ARHGAP11A: variants seen among roughly 807,000 people sequenced by gnomAD.
ARHGAP11A encodes the protein Rho GTPase activating protein 11A.
In ARHGAP11A, 36 loss-of-function variants were observed where a neutral mutation model predicts 60.5. The ratio of observed to expected loss-of-function variants is 0.59; its 90% CI spans 0.46 to 0.79. The LOEUF (loss-of-function observed/expected upper bound fraction) is 0.79. Among genes scored for constraint, ARHGAP11A ranks in the 30% least tolerant of loss-of-function variants. The pLI, the probability that ARHGAP11A is intolerant of heterozygous loss-of-function variation, is 0.00. For missense variants in ARHGAP11A, 1,071 were observed against 1,199.2 expected (o/e 0.89, Z 1.58); for synonymous variants, 362 against 415.5 (o/e 0.87, Z 1.57).
chr15:32,626,511 T>G (rs2140457723), intron 6 of ARHGAP11A, among the ~76,000 whole-genome samples: 2 of 152,264 alleles, frequency 1.3e-5, no homozygotes, highest in East Asian at 3.9e-4. Context: ...AATCCCTTTT[T>G]CATCTTTTGG....
intron 9 of ARHGAP11A, among the ~76,000 whole-genome samples, chr15:32,633,381 C>T (rs927543905): frequency 5.9e-5 from 9 of 152,086 alleles, no homozygotes; most frequent in Admixed American, 3.3e-4. Context: ...TGGCTTATGC[C>T]TGTAATCCTA....
Position 32,623,565 on chromosome 15 carries a change from G to C in ARHGAP11A, c.274G>C (p.Val92Leu), listed in dbSNP as rs1464369586. The C allele has an allele frequency of 1.2e-6, 2 of 1,613,974 alleles. No individual in the cohort carries two copies. The highest frequency in any genetic ancestry group is 2.7e-5 in the African/African-American group (2 of 74,932). ...AGGGCTTTTTCGGAAATCAGGATCT[G>C]TGATTCGCCTAAAAGCACTAAAGGT... ...TEGLFRKSGS[V>L]IRLKALKNKV... The change falls in exon 3 of 12, where the codon GTG (valine) becomes CTG (leucine). Residue 92 changes from valine to leucine, a missense_variant. This residue lies in a region of ARHGAP11A where 71 missense variants were observed against 142.4 expected (regional missense o/e 0.50). Transcript: ENST00000361627.
Position 32,637,303 on chromosome 15 carries a change from A to G in ARHGAP11A, c.2530A>G (p.Arg844Gly). 2 of 1,614,228 alleles carry G rather than the reference A, an allele frequency of 1.2e-6. No individual in the cohort carries two copies. The highest frequency in any genetic ancestry group is 1.7e-6 in the Non-Finnish European group (2 of 1,180,040). ...QRTPVRQSVRRINSLLEYSRQ... is the reference protein window; with the variant it reads ...QRTPVRQSVRGINSLLEYSRQ... ...TACTCCTGTTCGTCAGTCCGTCAGA[A>G]GAATTAATTCTTTGTTGGAGTATAG... The change falls in exon 12 of 12, where the codon AGA becomes GGA. Residue 844 changes from arginine (R) to glycine (G), a missense_variant. Around this residue, in one of 4 missense-constraint regions of ARHGAP11A, gnomAD observed 776 missense variants for 760.2 expected, o/e 1.02. Transcript: ENST00000361627.
Position 32,624,578 on chromosome 15 carries a change from A to G in ARHGAP11A, c.551+152A>G, listed in dbSNP as rs1012205719. ...ATGAGGAGTATACTCCAATTTAAGAAACAGCATACCAAATGATTTAATATT... is the reference window on the plus strand; with the variant it reads ...ATGAGGAGTATACTCCAATTTAAGAGACAGCATACCAAATGATTTAATATT... On this transcript the variant is annotated intron_variant, in intron 4 of 11. Transcript: ENST00000361627. 3 of 1,383,424 alleles carry G rather than the reference A, an allele frequency of 2.2e-6. No homozygotes were observed. The Admixed American group carries it at 8.2e-5, about 38-fold the overall frequency. The allele number at this position is 1,383,424 out of a possible 1,614,324, so 85.7% of individuals were successfully genotyped here. A position where few individuals can be genotyped will look rare whatever the true frequency, so the allele number is the denominator to read the frequency against.
rs2053776844 is a variant in ARHGAP11A, at chr15:32,638,525, A to G, written c.*680A>G. On this transcript the variant is annotated 3_prime_UTR_variant, in exon 12 of 12. Transcript: ENST00000361627. ...TAAAATAAATAAATTTCTAGCATAT[A>G]AAGGGTAGAGATAAACTCTGCAAAT... The G allele has an allele frequency of 6.6e-6, 1 of 152,228 alleles. No homozygotes were observed. The highest frequency in any genetic ancestry group is 6.5e-5 in the Admixed American group (1 of 15,280). The allele number at this position is 152,228 out of a possible 1,614,324, so 9.4% of individuals were successfully genotyped here.
intron 2 of ARHGAP11A, among the ~76,000 whole-genome samples, chr15:32,621,104 G>A (rs1385516267): frequency 1.6e-4 from 15 of 92,892 alleles, no homozygotes; most frequent in Admixed American, 3.5e-4. Context: ...GAATATTTAA[G>A]CTAAGATATT....
At chr15:32,634,855 G>A (rs564118833) in intron 10 of ARHGAP11A, among the ~76,000 whole-genome samples, 38 of 152,236 alleles carry the variant, frequency 2.5e-4, no homozygotes, top group African/African-American at 8.7e-4. Context: ...TGCTTTTAGA[G>A]TATCTCCAAA....
rs769514202 is a variant in ARHGAP11A at position 32,636,540 on chromosome 15, T to G, written c.1767T>G (p.Asn589Lys). Residue 589 changes from asparagine (N) to lysine (K), a missense_variant, in exon 12 of 12, where the codon AAT becomes AAG. By Grantham distance (94) the Asn-to-Lys change is moderately conservative. Transcript: ENST00000361627. Reference protein sequence around the residue: ...ITSSPLSGDENNMTKETLVKV... With the variant: ...ITSSPLSGDEKNMTKETLVKV... ...GTAGCCCTCTTAGCGGGGATGAAAA[T>G]AACATGACCAAAGAGACTTTGGTGA... 163 of 1,613,876 alleles carry G rather than the reference T, an allele frequency of 1.0e-4. No homozygotes were observed. The highest frequency in any genetic ancestry group is 1.6e-4 in the Middle Eastern group (1 of 6,082).
In ARHGAP11A at chr15:32,616,221, C is replaced by T. The variant is rs1378869993; in HGVS notation, c.10C>T (p.Gln4Ter). 6.2e-7 allele frequency: 1 copy of T among 1,613,978 alleles called. No individual in the cohort carries two copies. Among genetic ancestry groups the T allele is most frequent in the Admixed American group, 1.7e-5 (1 of 59,986 alleles). Residue 4 changes from glutamine to a stop codon, truncating the protein, a stop_gained, in exon 1 of 12, where the codon CAG becomes TAG. Coordinates refer to ENST00000361627, the MANE Select transcript of ARHGAP11A (RefSeq NM_014783.6). LOFTEE classifies it high-confidence loss of function. The stretch of plus-strand genomic sequence containing the variant: ...TATCGACGTATCCGGAATGTGGGAT[C>T]AGAGGCTGGTGAGGTTGGCCCTGTT... MWD[Q>*]RLVRLALLQH...
chr15:32,621,873 G>A (rs2053327995), intron 2 of ARHGAP11A, among the ~76,000 whole-genome samples: 1 of 152,338 alleles, frequency 6.6e-6, no homozygotes, highest in South Asian at 2.1e-4. Flanking sequence ...AAATGCATAT[G>A]GTGAAACTTA....
rs1015440508 is a variant in ARHGAP11A, at chr15:32,616,064, C to T, written c.-148C>T. Reference sequence around the variant, plus strand: ...ATCAAGGAAAAGCCGTGGAAGTGGCCGGGGGTCGGGGCCGCAGAAGTGCCA... The same window carrying T: ...ATCAAGGAAAAGCCGTGGAAGTGGCTGGGGGTCGGGGCCGCAGAAGTGCCA... On this transcript the variant is annotated 5_prime_UTR_variant, in exon 1 of 12. Transcript: ENST00000361627. 1.6e-5 allele frequency: 19 copies of T among 1,172,872 alleles called. No individual in the cohort carries two copies. The African/African-American group carries it at 2.2e-4, about 13-fold the overall frequency. The allele number at this position is 1,172,872 out of a possible 1,614,324, so 72.7% of individuals were successfully genotyped here. A position where few individuals can be genotyped will look rare whatever the true frequency, so the allele number is the denominator to read the frequency against.
At chr15:32,620,445 G>A (rs1354645965) in intron 2 of ARHGAP11A, among the ~76,000 whole-genome samples, 1 of 149,814 alleles carries the variant, frequency 6.7e-6, no homozygotes, top group Non-Finnish European at 1.5e-5. Context: ...GGGAAATGAA[G>A]AAGAAGAGAG....
At chr15:32,623,701 C>T in intron 3 of ARHGAP11A, 113 bp downstream of exon 3, 2 of 892,792 alleles carry the variant, frequency 2.2e-6, no homozygotes, top group Non-Finnish European at 1.6e-6. Context: ...ATTGAATTTG[C>T]ATTTTTTTCA....
At chr15:32,628,510 T>G (rs1001040906) in intron 6 of ARHGAP11A, among the ~76,000 whole-genome samples, 8 of 152,202 alleles carry the variant, frequency 5.3e-5, no homozygotes, top group African/African-American at 1.9e-4. Context: ...CTGTATTGTG[T>G]CTTTTTTATT....
chr15:32,622,274 T>C (rs918170388), intron 2 of ARHGAP11A, among the ~76,000 whole-genome samples: 8 of 152,290 alleles, frequency 5.3e-5, no homozygotes, highest in Non-Finnish European at 7.3e-5. Flanking sequence ...AAAAATTAGC[T>C]GGGCGTAGTG....
chr15:32,616,374 G>T (rs773841329), intron 1 of ARHGAP11A, 34 bp downstream of exon 1: 5 of 1,612,202 alleles, frequency 3.1e-6, no homozygotes, highest in Non-Finnish European at 8.5e-7. Flanking sequence ...AGGTTTAAAA[G>T]AAAGGGCACA....
chr15:32,623,063 C>T (rs1044135347), intron 2 of ARHGAP11A, among the ~76,000 whole-genome samples: 13 of 150,468 alleles, frequency 8.6e-5, no homozygotes, highest in South Asian at 6.4e-4. Flanking sequence ...TCGAGCAATA[C>T]GAGGACAACA....
intron 2 of ARHGAP11A, among the ~76,000 whole-genome samples, chr15:32,622,745 G>C (rs575730763): frequency 6.6e-6 from 1 of 151,892 alleles, no homozygotes; most frequent in Admixed American, 6.6e-5. Flanking sequence ...ATATGAAAAG[G>C]CTTGTAAGGA....
intron 2 of ARHGAP11A, among the ~76,000 whole-genome samples, chr15:32,621,830 A>AG (rs2053322907): frequency 6.6e-6 from 1 of 151,930 alleles, no homozygotes; most frequent in Non-Finnish European, 1.5e-5. Flanking sequence ...TCAAAAAAAA[A>AG]AAAAAAAAAG....
Sources: gnomAD v4.1 joint callset for allele counts (sites outside exome capture counted in the v4.1 genomes callset) on GRCh38, gnomAD v4.1.1 for gene constraint, gnomAD v4.1.1 regional missense constraint, MANE v1.5 for transcripts, NCBI Gene and HGNC (gene_info 2026-07-23, HGNC 2026-07-21) for gene names.